RABGAP1L: variants seen among roughly 807,000 people sequenced by gnomAD.
RABGAP1L encodes the protein rab GTPase-activating protein 1-like.
Under a neutral mutation model 137.7 loss-of-function variants are expected in RABGAP1L, and 63 were observed. The ratio of observed to expected loss-of-function variants is 0.46; its 90% CI spans 0.37 to 0.56. The LOEUF is 0.56. Among genes scored for constraint, RABGAP1L ranks in the 20% least tolerant of loss-of-function variants. The probability of loss-of-function intolerance (pLI) is 0.00; values close to 1 mark genes in which losing one functional copy is unlikely to be tolerated. For synonymous variants in RABGAP1L, 431 were observed against 433.7 expected (o/e 0.99, Z 0.08); for missense variants, 1,095 against 1,244.0 (o/e 0.88, Z 1.80).
At chr1:174,890,472 A>G (rs2021888329) in intron 19 of RABGAP1L, among the ~76,000 whole-genome samples, 1 of 152,210 alleles carries the variant, frequency 6.6e-6, no homozygotes, top group Non-Finnish European at 1.5e-5. Context: ...GGTGGAGATA[A>G]TTAGAGATAT....
chr1:174,658,279 A>G (rs1429433521), intron 14 of RABGAP1L, among the ~76,000 whole-genome samples: 1 of 152,226 alleles, frequency 6.6e-6, no homozygotes, highest in East Asian at 1.9e-4. Flanking sequence ...GGAGGAGCTA[A>G]TTTTTGGTGA....
rs116976090 is a variant in RABGAP1L, at chr1:174,711,745, C to T, written c.2169+9489C>T. 1.7e-3 allele frequency among the ~76,000 whole-genome samples: 259 copies of T among 152,374 alleles called. 7 individuals are homozygous for T. The East Asian group carries it at 0.046, about 27-fold the overall frequency. On this transcript the variant is annotated intron_variant, in intron 17 of 25. Coordinates refer to ENST00000681986, the MANE Select transcript of RABGAP1L (RefSeq NM_001366446.1). The stretch of plus-strand genomic sequence containing the variant: ...CCCTGACTGGCACTGCCCCCTACTC[C>T]GGGGGCCTGGTCACACCAACCGCCC...
In RABGAP1L at chr1:174,750,348, T is replaced by C. The variant is rs1184486086; in HGVS notation, c.2170-1965T>C. Among the ~76,000 whole-genome samples, 4 of 94,256 alleles carry C rather than the reference T, an allele frequency of 4.2e-5. No homozygotes were observed. The East Asian group carries it at 1.3e-3, about 30-fold the overall frequency. The allele number at this position is 94,256 out of a possible 152,430, so 61.8% of individuals were successfully genotyped here. The stretch of plus-strand genomic sequence containing the variant: ...AGGCATGCCTGATTGCCCCTTCCTG[T>C]CGTGATCTGAACTATTTTTTTCAGG... On this transcript the variant is annotated intron_variant, in intron 17 of 25. Coordinates refer to ENST00000681986, the MANE Select transcript of RABGAP1L (RefSeq NM_001366446.1).
intron 13 of RABGAP1L, among the ~76,000 whole-genome samples, chr1:174,540,926 G>A (rs903807465): frequency 1.3e-5 from 2 of 152,172 alleles, no homozygotes; most frequent in African/African-American, 2.4e-5. Context: ...CTATCCACGA[G>A]CATGGGATGT....
intron 13 of RABGAP1L, among the ~76,000 whole-genome samples, chr1:174,635,876 A>G (rs1190429507): frequency 6.6e-6 from 1 of 152,214 alleles, no homozygotes; most frequent in Non-Finnish European, 1.5e-5. Flanking sequence ...CTTCTTGTAT[A>G]CTTCGCAGCT....
chr1:174,305,248 G>T lies in RABGAP1L; in HGVS notation c.1465+121G>T, dbSNP rs1218002999. On this transcript the variant is annotated intron_variant, in intron 11 of 25. Coordinates refer to ENST00000681986, the MANE Select transcript of RABGAP1L (RefSeq NM_001366446.1). ...TTATTCCTAACCTCTGTTACCATTA[G>T]GCCAAATTCTACAAGGTGCAGAAAA... 4 of 1,024,278 alleles carry T rather than the reference G, an allele frequency of 3.9e-6. No homozygotes were observed. The East Asian group carries it at 1.3e-4, about 32-fold the overall frequency. 63.4% of individuals were successfully genotyped at this position (1,024,278 alleles called of 1,614,324 possible).
chr1:174,610,233 G>A (rs905857951), intron 13 of RABGAP1L, among the ~76,000 whole-genome samples: 2 of 119,986 alleles, frequency 1.7e-5, no homozygotes, highest in African/African-American at 6.5e-5. Context: ...AGTCCCCAGA[G>A]TGTGATGTTC....
chr1:174,302,176 C>T (rs946026813), intron 10 of RABGAP1L, among the ~76,000 whole-genome samples: 3 of 152,092 alleles, frequency 2.0e-5, no homozygotes, highest in Non-Finnish European at 4.4e-5. Flanking sequence ...TTCAGGATTT[C>T]CAGAGTAGTG....
chr1:174,641,360 A>G (rs1219375687), intron 14 of RABGAP1L, among the ~76,000 whole-genome samples: 4 of 152,120 alleles, frequency 2.6e-5, no homozygotes, highest in Admixed American at 2.6e-4. Flanking sequence ...AGTAGGAGGA[A>G]ATCGAAATGA....
intron 13 of RABGAP1L, among the ~76,000 whole-genome samples, chr1:174,552,049 G>A (rs536638278): frequency 3.9e-5 from 6 of 152,190 alleles, no homozygotes; most frequent in Admixed American, 2.6e-4. Context: ...AGAAATCACC[G>A]TGTCAAGATA....
At chr1:174,568,749 A>T (rs1254925166) in intron 13 of RABGAP1L, among the ~76,000 whole-genome samples, 1 of 152,116 alleles carries the variant, frequency 6.6e-6, no homozygotes, top group African/African-American at 2.4e-5. Context: ...GTATTTTGGC[A>T]GGAACATTAA....
At chr1:174,431,875 T>C (rs1293457235) in intron 13 of RABGAP1L, among the ~76,000 whole-genome samples, 1 of 152,212 alleles carries the variant, frequency 6.6e-6, no homozygotes, top group South Asian at 2.1e-4. Flanking sequence ...AATACATCTT[T>C]TAAGAATTTA....
chr1:174,446,258 A>T (rs1042023395), intron 13 of RABGAP1L, among the ~76,000 whole-genome samples: 3 of 152,214 alleles, frequency 2.0e-5, no homozygotes, highest in African/African-American at 4.8e-5. Flanking sequence ...GCATTACCTT[A>T]TTCCTGTAAC....
intron 13 of RABGAP1L, among the ~76,000 whole-genome samples, chr1:174,551,232 A>G (rs918029569): frequency 3.3e-5 from 5 of 150,972 alleles, no homozygotes; most frequent in Non-Finnish European, 7.4e-5. Context: ...AAACAAAACA[A>G]AAACCACTCT....
intron 15 of RABGAP1L, among the ~76,000 whole-genome samples, chr1:174,686,497 C>T (rs973186201): frequency 4.6e-5 from 7 of 152,026 alleles, no homozygotes; most frequent in African/African-American, 1.7e-4. Context: ...CAGGTCCCTT[C>T]CCTAAGAGGC....
chr1:174,811,773 T>C, intron 18 of RABGAP1L, 59 bp from the exon 19 acceptor site: 4 of 1,402,786 alleles, frequency 2.9e-6, no homozygotes, highest in Non-Finnish European at 3.7e-6. Context: ...CTTTTTGAAA[T>C]ATATTTGTCC....
At chr1:174,699,414 G>A (rs1276893843) in intron 15 of RABGAP1L, 111 bp from the exon 16 acceptor site, 10 of 898,858 alleles carry the variant, frequency 1.1e-5, no homozygotes, top group Middle Eastern at 2.9e-4. Flanking sequence ...GACTTCATTT[G>A]CTCCAGGCCT....
At position 174,976,198 on chromosome 1, in the gene RABGAP1L, T is replaced by A. The variant is rs1411411434; in HGVS notation, c.2649+16T>A. 1.3e-6 allele frequency: 2 copies of A among 1,520,044 alleles called. No homozygotes were observed. The highest frequency in any genetic ancestry group is 1.8e-6 in the Non-Finnish European group (2 of 1,119,364). The allele number at this position is 1,520,044 out of a possible 1,614,324, so 94.2% of individuals were successfully genotyped here. On this transcript the variant is annotated intron_variant, in intron 22 of 25. Transcript: ENST00000681986. ...GACTGCCCAGGTAAAAGGAATAATA[T>A]GTAGGCTTTTCTTTACAAAGGTATG...
intron 13 of RABGAP1L, among the ~76,000 whole-genome samples, chr1:174,628,425 G>A (rs1459045096): frequency 6.6e-6 from 1 of 151,934 alleles, no homozygotes; most frequent in Admixed American, 6.6e-5. Context: ...TATGGAAATG[G>A]GAAAAATATT....
Sources: allele counts gnomAD v4.1 joint callset (sites outside exome capture counted in the v4.1 genomes callset), GRCh38; gene constraint gnomAD v4.1.1; transcripts MANE v1.5; gene names NCBI Gene and HGNC (gene_info 2026-07-23, HGNC 2026-07-21).